Variants in PDE7B observed in about 807,000 individuals in gnomAD.
PDE7B encodes phosphodiesterase 7B.
A neutral mutation model predicts 56.2 loss-of-function variants in PDE7B; 29 were observed. The observed-to-expected ratio is 0.52, with a 90% CI of 0.38 to 0.70. The LOEUF (loss-of-function observed/expected upper bound fraction) is 0.70, where lower values mean the gene tolerates loss of function less well. Among genes scored for constraint, PDE7B ranks in the 30% least tolerant of loss-of-function variants. PDE7B has a pLI of 0.00. For missense variants in PDE7B, 490 were observed against 565.0 expected (o/e 0.87, Z 1.35); for synonymous variants, 197 against 196.9 (o/e 1.00, Z 0.00).
intron 3 of PDE7B, among the ~76,000 whole-genome samples, chr6:136,146,238 T>C (rs1019100451): frequency 6.6e-6 from 1 of 152,232 alleles, no homozygotes; most frequent in Non-Finnish European, 1.5e-5. Flanking sequence ...CCTACTAGAC[T>C]GTTAAACTGA....
At position 136,101,885 on chromosome 6, in the gene PDE7B, G is replaced by A. The variant is rs571294270; in HGVS notation, c.83-6846G>A. On this transcript the variant is annotated intron_variant, in intron 2 of 12. Coordinates refer to ENST00000308191, the MANE Select transcript of PDE7B (RefSeq NM_018945.4). Reference sequence around the variant, plus strand: ...TGAAGAAACACCAGGATAAATGTTCGGTTTTCCTCAGGACATAGTTTTGGT... The same window carrying A: ...TGAAGAAACACCAGGATAAATGTTCAGTTTTCCTCAGGACATAGTTTTGGT... Among the ~76,000 whole-genome samples the A allele has an allele frequency of 1.4e-4, 22 of 152,226 alleles. No homozygotes were observed. In the South Asian group the frequency reaches 1.7e-3, roughly 11 times the overall value.
At chr6:136,043,374 C>G (rs1776444160) in intron 2 of PDE7B, among the ~76,000 whole-genome samples, 1 of 151,946 alleles carries the variant, frequency 6.6e-6, no homozygotes, top group Non-Finnish European at 1.5e-5. Context: ...AGTTCTAAGT[C>G]CATAAGAGAG....
At chr6:135,881,047 T>C (rs1489102945) in intron 1 of PDE7B, among the ~76,000 whole-genome samples, 1 of 152,118 alleles carries the variant, frequency 6.6e-6, no homozygotes. Context: ...TTTCAGAGCC[T>C]GGGAAATACA....
intron 1 of PDE7B, among the ~76,000 whole-genome samples, chr6:135,926,240 C>A (rs1385986791): frequency 6.6e-6 from 1 of 151,892 alleles, no homozygotes; most frequent in South Asian, 2.1e-4. Flanking sequence ...GCACCCGCCA[C>A]CACGCCCAGC....
intron 4 of PDE7B, 71 bp from the exon 5 acceptor site, chr6:136,149,016 T>A: frequency 9.3e-7 from 1 of 1,071,930 alleles, no homozygotes; most frequent in Non-Finnish European, 1.5e-6. Context: ...TTTAATCCAC[T>A]ATATCCCAAA....
At chr6:136,092,023 C>T (rs1305024793) in intron 2 of PDE7B, among the ~76,000 whole-genome samples, 2 of 152,116 alleles carry the variant, frequency 1.3e-5, no homozygotes, top group Admixed American at 6.5e-5. Flanking sequence ...CTAAGCAATT[C>T]GTACTAAAAG....
At chr6:136,113,270 C>A (rs892681236) in intron 3 of PDE7B, among the ~76,000 whole-genome samples, 32 of 152,024 alleles carry the variant, frequency 2.1e-4, no homozygotes, top group African/African-American at 7.7e-4. Flanking sequence ...TGTTGTATAC[C>A]ATAAATATGT....
At chr6:135,871,530 C>T (rs1262909369) in intron 1 of PDE7B, among the ~76,000 whole-genome samples, 1 of 152,138 alleles carries the variant, frequency 6.6e-6, no homozygotes, top group African/African-American at 2.4e-5. Flanking sequence ...GTGGGAGGAG[C>T]TAGGGAAGGC....
intron 2 of PDE7B, among the ~76,000 whole-genome samples, chr6:136,040,112 A>T (rs926943171): frequency 6.6e-6 from 1 of 152,192 alleles, no homozygotes; most frequent in East Asian, 1.9e-4. Context: ...GACATGATGA[A>T]GCAGAGCTTG....
chr6:136,178,139 C>G (rs907767097), intron 9 of PDE7B, among the ~76,000 whole-genome samples: 1 of 152,062 alleles, frequency 6.6e-6, no homozygotes, highest in African/African-American at 2.4e-5. Context: ...AAACAAAGAG[C>G]AAGAAAGTGG....
At chr6:136,111,426 C>T (rs1369798296) in intron 3 of PDE7B, among the ~76,000 whole-genome samples, 3 of 152,274 alleles carry the variant, frequency 2.0e-5, no homozygotes, top group Non-Finnish European at 4.4e-5. Flanking sequence ...CTTTGTGATA[C>T]GATTTACCTC....
chr6:136,185,091 G>A (rs1779123736), intron 11 of PDE7B, among the ~76,000 whole-genome samples: 2 of 152,142 alleles, frequency 1.3e-5, no homozygotes, highest in South Asian at 2.1e-4. Context: ...ATTATATGGT[G>A]TTCTGGCCTG....
At chr6:136,061,400 CAAAG>C (rs1776837981) in intron 2 of PDE7B, among the ~76,000 whole-genome samples, 1 of 152,096 alleles carries the variant, frequency 6.6e-6, no homozygotes, top group Non-Finnish European at 1.5e-5. Context: ...AGAAAAGAAT[CAAAG>C]AAATTTGGCA....
chr6:136,080,320 T>C (rs1291774562), intron 2 of PDE7B, among the ~76,000 whole-genome samples: 1 of 152,222 alleles, frequency 6.6e-6, no homozygotes, highest in Non-Finnish European at 1.5e-5. Flanking sequence ...TTTAAATCCC[T>C]GGAGGCTGAA....
chr6:136,107,244 C>T lies in PDE7B; in HGVS notation c.83-1487C>T, dbSNP rs550915135. ...GAGAGAGGACTGTTCTTCCTTTCAG[C>T]TCCCAGGCTGGGGCCCCAGTGCCAC... On this transcript the variant is annotated intron_variant, in intron 2 of 12. Transcript: ENST00000308191. Among the ~76,000 whole-genome samples the T allele has an allele frequency of 2.6e-5, 4 of 152,306 alleles. No homozygotes were observed. In the South Asian group the frequency reaches 6.2e-4, roughly 24 times the overall value.
At chr6:136,106,429 A>G (rs1167308145) in intron 2 of PDE7B, among the ~76,000 whole-genome samples, 1 of 152,138 alleles carries the variant, frequency 6.6e-6, no homozygotes, top group African/African-American at 2.4e-5. Context: ...AAACAACGGT[A>G]TTGTAGAAAG....
chr6:136,151,675 A>G (rs994487317), intron 6 of PDE7B, among the ~76,000 whole-genome samples: 3 of 112,140 alleles, frequency 2.7e-5, no homozygotes, highest in African/African-American at 1.1e-4. Context: ...GTTCTTTTAA[A>G]AATTACAGGG....
At chr6:136,189,673 C>G (rs1779191392) in intron 12 of PDE7B, among the ~76,000 whole-genome samples, 1 of 152,140 alleles carries the variant, frequency 6.6e-6, no homozygotes, top group Non-Finnish European at 1.5e-5. Flanking sequence ...TTCCTTCAAT[C>G]CTTGTCTACT....
At chr6:136,058,767 A>G (rs781202688) in intron 2 of PDE7B, among the ~76,000 whole-genome samples, 1 of 152,144 alleles carries the variant, frequency 6.6e-6, no homozygotes, top group African/African-American at 2.4e-5. Flanking sequence ...TATTTTACAG[A>G]ATTCAGGGGG....
Sources: allele counts gnomAD v4.1 joint callset (sites outside exome capture counted in the v4.1 genomes callset), GRCh38; gene constraint gnomAD v4.1.1; transcripts MANE v1.5; gene names NCBI Gene and HGNC (gene_info 2026-07-23, HGNC 2026-07-21).